The following ERICH1 variants were observed in gnomAD, a reference collection of about 807,000 sequenced individuals.
The protein encoded by ERICH1 is glutamate-rich protein 1.
A neutral mutation model predicts 39.6 loss-of-function variants in ERICH1; 56 were observed. That is an observed-to-expected ratio of 1.41 (90% confidence interval 1.14 to 1.77). The LOEUF (loss-of-function observed/expected upper bound fraction) is 1.77, where lower values mean the gene tolerates loss of function less well. Among genes scored for constraint, ERICH1 ranks in the 40% most tolerant of loss-of-function variants. The pLI is 0.00. For synonymous variants in ERICH1, 313 were observed against 223.6 expected, an observed-to-expected ratio of 1.40 and a Z score of -3.57; for missense variants, 826 against 575.4, an observed-to-expected ratio of 1.44 and a Z score of -4.45.
intron 2 of ERICH1, among the ~76,000 whole-genome samples, chr8:698,058 G>A (rs2132138607): frequency 6.6e-6 from 1 of 152,316 alleles, no homozygotes; most frequent in South Asian, 2.1e-4. Context: ...GGTGGGTGTA[G>A]AGAGGAGGAG....
At chr8:671,133 G>C (rs1357660577) in intron 4 of ERICH1, among the ~76,000 whole-genome samples, 203 of 95,556 alleles carry the variant, frequency 2.1e-3, no homozygotes, top group African/African-American at 6.1e-3. Flanking sequence ...ACCTCTGAAC[G>C]TGCCAGCCCC....
At chr8:730,688 C>T (rs958072541) in intron 1 of ERICH1, among the ~76,000 whole-genome samples, 1 of 152,232 alleles carries the variant, frequency 6.6e-6, no homozygotes, top group African/African-American at 2.4e-5. Flanking sequence ...ACACCATGAC[C>T]TCCGTCTCTC....
chr8:692,753 C>T, intron 2 of ERICH1, 141 bp from the exon 3 acceptor site: 2 of 1,012,906 alleles, frequency 2.0e-6, no homozygotes, highest in Non-Finnish European at 2.8e-6. Flanking sequence ...TAACCACTGT[C>T]ATAAATACTG....
intron 3 of ERICH1, among the ~76,000 whole-genome samples, chr8:618,362 G>C (rs1019177684): frequency 2.0e-5 from 3 of 148,772 alleles, no homozygotes. Flanking sequence ...CTCGTACTTG[G>C]TCTGTCCTCA....
chr8:638,850 G>A (rs951722764), intron 3 of ERICH1, among the ~76,000 whole-genome samples: 16 of 152,064 alleles, frequency 1.1e-4, no homozygotes, highest in South Asian at 2.1e-4. Flanking sequence ...GCAGTCACCC[G>A]CTGCCCTTGT....
chr8:715,785 A>AT, intron 2 of ERICH1, 76 bp downstream of exon 2: 1 of 1,534,292 alleles, frequency 6.5e-7, no homozygotes. Flanking sequence ...CAAAAGACAC[A>AT]TTCTCCAAGG....
At chr8:722,301 CACA>C (rs748786805) in intron 1 of ERICH1, among the ~76,000 whole-genome samples, 1 of 151,440 alleles carries the variant, frequency 6.6e-6, no homozygotes, top group African/African-American at 2.4e-5. Flanking sequence ...AAAAGAGAGA[CACA>C]ACAACAAAAG....
At chr8:628,781 C>G (rs1295815239) in intron 3 of ERICH1, among the ~76,000 whole-genome samples, 1 of 152,236 alleles carries the variant, frequency 6.6e-6, no homozygotes, top group Non-Finnish European at 1.5e-5. Flanking sequence ...GAAAATCCTT[C>G]CTGCTTCCCT....
chr8:657,139 AT>A (rs1473758895), intron 3 of ERICH1, among the ~76,000 whole-genome samples: 1 of 152,246 alleles, frequency 6.6e-6, no homozygotes, highest in Non-Finnish European at 1.5e-5. Context: ...TGTAACAATA[AT>A]GGTGATAGAT....
At chr8:702,485 A>G (rs1255309984) in intron 2 of ERICH1, among the ~76,000 whole-genome samples, 1 of 152,232 alleles carries the variant, frequency 6.6e-6, no homozygotes, top group Non-Finnish European at 1.5e-5. Flanking sequence ...ACAGCAGAGA[A>G]AGATGCCAGA....
intron 5 of ERICH1, among the ~76,000 whole-genome samples, chr8:665,662 G>C (rs541632904): frequency 4.6e-5 from 7 of 152,356 alleles, no homozygotes; most frequent in Admixed American, 3.9e-4. Context: ...GGAACACTCA[G>C]GGAATGGCAG....
At chr8:671,110 T>A (rs76371653) in intron 4 of ERICH1, among the ~76,000 whole-genome samples, 81 of 130,288 alleles carry the variant, frequency 6.2e-4, no homozygotes, top group African/African-American at 2.3e-3. Context: ...TGCTCACTGG[T>A]CCCCAGGCTC....
chr8:673,295 A>C lies in ERICH1; in HGVS notation c.1057T>G (p.Tyr353Asp), dbSNP rs777718581. 1 of 1,600,758 alleles carries C rather than the reference A, an allele frequency of 6.2e-7. No homozygotes were observed. The highest frequency in any genetic ancestry group is 1.7e-5 in the Admixed American group (1 of 59,406). ...FLKSTQEMYF[Y>D]DGVSRDAASA... is the part of the protein sequence containing the mutation. ...AAAACAGTAAAAAACATACCGTCAT[A>C]AAAATACATTTCCTGTGTTGACTTC... Residue 353 changes from tyrosine (Y) to aspartate (D), a missense_variant, in exon 4 of 6, where the codon TAT becomes GAT. Coordinates refer to ENST00000262109, the MANE Select transcript of ERICH1 (RefSeq NM_207332.3).
chr8:650,301 G>A (rs1360029353), intron 3 of ERICH1, among the ~76,000 whole-genome samples: 1 of 152,238 alleles, frequency 6.6e-6, no homozygotes, highest in Admixed American at 6.5e-5. Context: ...TCCTCGCTGG[G>A]TCTCCCCGTT....
chr8:705,047 C>T (rs1003559521), intron 2 of ERICH1, among the ~76,000 whole-genome samples: 1 of 152,230 alleles, frequency 6.6e-6, no homozygotes, highest in African/African-American at 2.4e-5. Flanking sequence ...ACAAATCAGT[C>T]TTATCTTTGG....
Position 668,715 on chromosome 8 carries a change from T to G in ERICH1, c.1141A>C (p.Met381Leu), listed in dbSNP as rs1477346748. 3 of 1,613,862 alleles carry G rather than the reference T, an allele frequency of 1.9e-6. No homozygotes were observed. Among genetic ancestry groups the G allele is most frequent in the Admixed American group, 1.7e-5 (1 of 60,012 alleles). The change falls in exon 5 of 6, where the codon ATG becomes CTG. Residue 381 changes from methionine to leucine, a missense_variant. By Grantham distance (15) the Met-to-Leu change is conservative (BLOSUM62 2). Transcript: ENST00000262109. The part of the protein sequence containing the change: ...ELLDRLASHS[M>L]LPSDVSILYH... ...AGGATGGACACGTCTGAGGGCAGCA[T>G]GCTGTGTGACGCAAGGCGGTCCAGC...
intron 4 of ERICH1, chr8:672,134 G>A (rs1803572287): frequency 6.5e-6 from 1 of 152,686 alleles, no homozygotes; most frequent in Non-Finnish European, 1.5e-5. Flanking sequence ...GTAGCTTCCT[G>A]ATCCCTTCAA....
chr8:656,771 CG>C, intron 3 of ERICH1: 1 of 985,446 alleles, frequency 1.0e-6, no homozygotes. Flanking sequence ...TTGTGCCAAA[CG>C]GTGCACAGCA....
intron 4 of ERICH1, among the ~76,000 whole-genome samples, chr8:670,508 G>A (rs916512533): frequency 1.3e-5 from 2 of 152,140 alleles, no homozygotes; most frequent in African/African-American, 4.8e-5. Context: ...GACCGTGCAG[G>A]GACTGAGCTG....
Sources: allele counts gnomAD v4.1 joint callset (sites outside exome capture counted in the v4.1 genomes callset), GRCh38; gene constraint gnomAD v4.1.1; transcripts MANE v1.5; gene names NCBI Gene and HGNC (gene_info 2026-07-23, HGNC 2026-07-21).